NRXN1: variants seen among roughly 807,000 people sequenced by gnomAD.
The protein encoded by NRXN1 is neurexin-1.
Under a neutral mutation model 150.9 loss-of-function variants are expected in NRXN1, and 39 were observed. The observed-to-expected ratio is 0.26, with a 90% CI of 0.20 to 0.34. The LOEUF (loss-of-function observed/expected upper bound fraction) is 0.34. NRXN1 is among the 10% of genes least tolerant of loss of function. The probability of loss-of-function intolerance (pLI) is 1.00; values close to 1 mark genes in which losing one functional copy is unlikely to be tolerated. For missense variants in NRXN1, 1,815 were observed against 1,949.9 expected, an observed-to-expected ratio of 0.93 and a Z score of 1.30; for synonymous variants, 924 against 757.0, an observed-to-expected ratio of 1.22 and a Z score of -3.62.
chr2:50,598,289 G>C (rs184433659), intron 8 of NRXN1, among the ~76,000 whole-genome samples: 9 of 152,180 alleles, frequency 5.9e-5, no homozygotes, highest in Non-Finnish European at 8.8e-5. Context: ...GCACAGAGGA[G>C]GGAAACAGCC....
At chr2:50,691,927 T>C (rs1346653201) in intron 5 of NRXN1, among the ~76,000 whole-genome samples, 1 of 152,232 alleles carries the variant, frequency 6.6e-6, no homozygotes, top group Non-Finnish European at 1.5e-5. Context: ...ATTTAGCTTA[T>C]ACGTATATAC....
intron 18 of NRXN1, among the ~76,000 whole-genome samples, chr2:50,131,425 C>A (rs1326448449): frequency 1.3e-5 from 2 of 152,094 alleles, no homozygotes; most frequent in Non-Finnish European, 2.9e-5. Context: ...GTCTTGTAAA[C>A]CCTAACAAGG....
At chr2:50,677,136 C>G (rs1009209497) in intron 5 of NRXN1, among the ~76,000 whole-genome samples, 1 of 152,060 alleles carries the variant, frequency 6.6e-6, no homozygotes, top group Non-Finnish European at 1.5e-5. Context: ...TCTTTTGAAA[C>G]ATTATTGTTA....
chr2:50,762,518 T>C (rs545494811), intron 5 of NRXN1, among the ~76,000 whole-genome samples: 1 of 152,008 alleles, frequency 6.6e-6, no homozygotes, highest in African/African-American at 2.4e-5. Flanking sequence ...TAGTGCCCTG[T>C]GTCTACCGTT....
chr2:50,947,918 T>G (rs1690665006), intron 2 of NRXN1, among the ~76,000 whole-genome samples: 1 of 152,032 alleles, frequency 6.6e-6, no homozygotes, highest in African/African-American at 2.4e-5. Flanking sequence ...CCACAAAATA[T>G]TGGTTTCATT....
intron 2 of NRXN1, among the ~76,000 whole-genome samples, chr2:50,995,685 T>A (rs1699171536): frequency 6.6e-6 from 1 of 151,446 alleles, no homozygotes; most frequent in African/African-American, 2.4e-5. Context: ...TTGGAAGGTG[T>A]CAGTGAACTT....
chr2:50,485,463 G>A (rs1008277041), intron 15 of NRXN1, among the ~76,000 whole-genome samples: 1 of 152,208 alleles, frequency 6.6e-6, no homozygotes, highest in Non-Finnish European at 1.5e-5. Context: ...AGGGTCTCCT[G>A]GAGTGCTTGC....
At chr2:50,877,215 A>G (rs1678733646) in intron 5 of NRXN1, among the ~76,000 whole-genome samples, 1 of 151,076 alleles carries the variant, frequency 6.6e-6, no homozygotes, top group Non-Finnish European at 1.5e-5. Context: ...ACACATATAT[A>G]TACACACATA....
chr2:50,883,087 T>C (rs1362698330), intron 5 of NRXN1, among the ~76,000 whole-genome samples: 3 of 151,914 alleles, frequency 2.0e-5, no homozygotes, highest in African/African-American at 7.2e-5. Flanking sequence ...AATGCTATTA[T>C]TCTTAAAATG....
At chr2:50,211,937 C>A (rs1915221) in intron 18 of NRXN1, among the ~76,000 whole-genome samples, 1 of 151,236 alleles carries the variant, frequency 6.6e-6, no homozygotes, top group Non-Finnish European at 1.5e-5. Context: ...GTACTCTACA[C>A]AAATCTTGCA....
chr2:49,936,115 T>C (rs755821177), intron 22 of NRXN1, among the ~76,000 whole-genome samples: 1 of 152,238 alleles, frequency 6.6e-6, no homozygotes, highest in Non-Finnish European at 1.5e-5. Context: ...AGTTTTCTGT[T>C]GCTTATTGTA....
At chr2:50,282,593 C>T (rs1364865198) in intron 17 of NRXN1, among the ~76,000 whole-genome samples, 16 of 152,060 alleles carry the variant, frequency 1.1e-4, no homozygotes, top group Non-Finnish European at 2.9e-5. Context: ...AACTAATCCC[C>T]CCAAAATTCT....
chr2:50,101,775 C>A (rs1026258972), intron 18 of NRXN1, among the ~76,000 whole-genome samples: 1 of 151,858 alleles, frequency 6.6e-6, no homozygotes, highest in South Asian at 2.1e-4. Flanking sequence ...TTTTTAAATT[C>A]TATTTGTGAA....
intron 17 of NRXN1, among the ~76,000 whole-genome samples, chr2:50,344,511 G>T (rs916579841): frequency 3.9e-5 from 6 of 152,110 alleles, no homozygotes; most frequent in African/African-American, 1.4e-4. Flanking sequence ...GAAACAGAAA[G>T]TTCTTTGACC....
At chr2:50,230,894 T>C (rs533725699) in intron 18 of NRXN1, among the ~76,000 whole-genome samples, 5 of 152,158 alleles carry the variant, frequency 3.3e-5, no homozygotes, top group Admixed American at 2.6e-4. Flanking sequence ...TCTCACATTT[T>C]CCCCAAAAAT....
At chr2:50,699,486 G>A (rs1046684239) in intron 5 of NRXN1, among the ~76,000 whole-genome samples, 2 of 152,070 alleles carry the variant, frequency 1.3e-5, no homozygotes, top group African/African-American at 4.8e-5. Context: ...GGGGAAGTCA[G>A]AGACATCTGA....
chr2:50,377,059 C>T (rs915559497), intron 17 of NRXN1, among the ~76,000 whole-genome samples: 1 of 151,170 alleles, frequency 6.6e-6, no homozygotes, highest in East Asian at 2.0e-4. Context: ...TCTCTACAAA[C>T]TGATTATCCA....
chr2:50,865,504 C>G (rs1676752941), intron 5 of NRXN1, among the ~76,000 whole-genome samples: 1 of 151,212 alleles, frequency 6.6e-6, no homozygotes, highest in Non-Finnish European at 1.5e-5. Context: ...TGGTCCAGGT[C>G]TCTCTGGTTC....
intron 17 of NRXN1, among the ~76,000 whole-genome samples, chr2:50,258,122 T>C (rs1419861545): frequency 1.3e-5 from 2 of 151,944 alleles, no homozygotes; most frequent in Admixed American, 6.6e-5. Flanking sequence ...CTGCTGAAGG[T>C]TGAGGTGGCT....
Sources: gnomAD v4.1 joint callset for allele counts (sites outside exome capture counted in the v4.1 genomes callset) on GRCh38, gnomAD v4.1.1 for gene constraint, MANE v1.5 for transcripts, NCBI Gene and HGNC (gene_info 2026-07-23, HGNC 2026-07-21) for gene names.